VAV2: variants seen among roughly 807,000 people sequenced by gnomAD.
VAV2 encodes the protein guanine nucleotide exchange factor VAV2.
A neutral mutation model predicts 132.5 loss-of-function variants in VAV2; 67 were observed. The ratio of observed to expected loss-of-function variants is 0.51; its 90% CI spans 0.42 to 0.62. The LOEUF (loss-of-function observed/expected upper bound fraction) is 0.62, where lower values mean the gene tolerates loss of function less well. Among genes scored for constraint, VAV2 ranks in the 20% least tolerant of loss-of-function variants. The probability of loss-of-function intolerance (pLI) is 0.00; values close to 1 mark genes in which losing one functional copy is unlikely to be tolerated. For missense variants in VAV2, 938 were observed against 1,153.6 expected (o/e 0.81, Z 2.71); for synonymous variants, 492 against 443.5 (o/e 1.11, Z -1.37).
In VAV2 at chr9:133,991,285, CCTCTTA is replaced by C; in HGVS notation, c.204+784_204+789del. Among the ~76,000 whole-genome samples, 1 of 152,208 alleles carries C rather than the reference CCTCTTA, an allele frequency of 6.6e-6. No homozygotes were observed. Among genetic ancestry groups the C allele is most frequent in the South Asian group, 2.1e-4 (1 of 4,826 alleles). On this transcript the variant is annotated intron_variant, in intron 1 of 29. Transcript: ENST00000371850. The surrounding 1 kb of genome is among the most constrained non-coding windows in gnomAD (Gnocchi z 4.8). ...ATTCTCTCAAGTCTTAGCCAAGTTC[CCTCTTA>C]AGAGGCCAAGAAAAGCAGCTTCGTT...
intron 3 of VAV2, among the ~76,000 whole-genome samples, chr9:133,838,495 ATGGG>A (rs1265486745): frequency 3.6e-5 from 2 of 54,872 alleles, no homozygotes; most frequent in Non-Finnish European, 6.5e-5. Flanking sequence ...GGATGGATGG[ATGGG>A]TGGGTAAGTG....
At chr9:133,866,458 C>T (rs1378366424) in intron 2 of VAV2, among the ~76,000 whole-genome samples, 6 of 152,118 alleles carry the variant, frequency 3.9e-5, no homozygotes, top group Non-Finnish European at 7.3e-5. Context: ...GGAGTGAGGA[C>T]ACGCCTACTC....
At position 133,940,169 on chromosome 9, in the gene VAV2, A is replaced by G. The variant is rs151222891; in HGVS notation, c.205-950T>C. ...GTGGTTATGCCAGGCCTGGTTTTCT[A>G]CCGCCACCTGCCTCACGGGATTAAT... On this transcript the variant is annotated intron_variant, in intron 1 of 29. Coordinates refer to ENST00000371850, the MANE Select transcript of VAV2 (RefSeq NM_001134398.2). Among the ~76,000 whole-genome samples the G allele has an allele frequency of 7.7e-3, 1,174 of 152,118 alleles. 17 individuals are homozygous for G. Among genetic ancestry groups the G allele is most frequent in the African/African-American group, 0.027 (1,123 of 41,488 alleles).
chr9:133,776,154 T>C, intron 23 of VAV2, 74 bp from the exon 24 acceptor site: 1 of 1,573,862 alleles, frequency 6.4e-7, no homozygotes, highest in Non-Finnish European at 8.6e-7. Flanking sequence ...GGGGTCATTG[T>C]CAGTGACTGC....
chr9:133,875,833 G>A (rs1225660630), intron 2 of VAV2, among the ~76,000 whole-genome samples: 1 of 152,366 alleles, frequency 6.6e-6, no homozygotes, highest in East Asian at 1.9e-4. Context: ...CATTACCTCC[G>A]GAGTGGCTGG....
intron 2 of VAV2, among the ~76,000 whole-genome samples, chr9:133,913,600 G>A (rs940590414): frequency 2.0e-5 from 3 of 152,222 alleles, no homozygotes; most frequent in African/African-American, 7.2e-5. Flanking sequence ...GCGGGGGACC[G>A]GACGCGCACA....
chr9:133,976,691 T>C (rs1842524085), intron 1 of VAV2, among the ~76,000 whole-genome samples: 1 of 152,228 alleles, frequency 6.6e-6, no homozygotes, highest in Admixed American at 6.5e-5. Context: ...CTTTCTGTCC[T>C]GCGACGGAGC....
At chr9:133,925,249 C>T (rs1840433103) in intron 2 of VAV2, among the ~76,000 whole-genome samples, 1 of 152,182 alleles carries the variant, frequency 6.6e-6, no homozygotes, top group Non-Finnish European at 1.5e-5. Flanking sequence ...CAGGGTCTCG[C>T]TCTGTTGCCC....
rs1344062776 is a variant in VAV2 at position 133,840,431 on chromosome 9, CCT to C, written c.381-6093_381-6092del. On this transcript the variant is annotated intron_variant, in intron 3 of 29. Coordinates refer to ENST00000371850, the MANE Select transcript of VAV2 (RefSeq NM_001134398.2). This position sits in a 1 kb window ranked among gnomAD's most constrained non-coding sequence, Gnocchi z 4.5. ...TCAGCACCCACTCCCCACTCCTGCC[CCT>C]GAGCCACTGCTTGCTCAAGGAGCTC... Among the ~76,000 whole-genome samples, 1 of 152,178 alleles carries C rather than the reference CCT, an allele frequency of 6.6e-6. No individual in the cohort carries two copies. Among genetic ancestry groups the C allele is most frequent in the Non-Finnish European group, 1.5e-5 (1 of 68,034 alleles).
chr9:133,771,193 AG>A (rs1423377208), intron 26 of VAV2, among the ~76,000 whole-genome samples: 1 of 150,848 alleles, frequency 6.6e-6, no homozygotes, highest in African/African-American at 2.4e-5. Context: ...CCTCCCAAGT[AG>A]GGGGGACTAC....
chr9:133,964,022 CATATATAT>C (rs10541639), intron 1 of VAV2, among the ~76,000 whole-genome samples: 8 of 93,858 alleles, frequency 8.5e-5, no homozygotes, highest in Admixed American at 2.6e-4. Context: ...ATTATTCATT[CATATATAT>C]ATATATATAT....
intron 3 of VAV2, among the ~76,000 whole-genome samples, chr9:133,842,272 G>C (rs1836754076): frequency 6.6e-6 from 1 of 152,200 alleles, no homozygotes; most frequent in Non-Finnish European, 1.5e-5. Flanking sequence ...TCACAGAAGA[G>C]AAGGCCCCGC....
At chr9:133,803,104 G>A (rs1835000059) in intron 9 of VAV2, among the ~76,000 whole-genome samples, 1 of 152,050 alleles carries the variant, frequency 6.6e-6, no homozygotes, top group Non-Finnish European at 1.5e-5. Context: ...ACCATCCACA[G>A]GGCAGCCTCA....
rs116298587 is a variant in VAV2 at position 133,930,305 on chromosome 9, C to T, written c.321+8798G>A. On this transcript the variant is annotated intron_variant, in intron 2 of 29. Transcript: ENST00000371850. ...TCCACCCTGCCTCCTGGCCTCCTCA[C>T]TCCCTCCTGGCATCCACACTGCCTC... 9.1e-3 allele frequency among the ~76,000 whole-genome samples: 1,369 copies of T among 151,226 alleles called. 13 individuals carry two copies. Among genetic ancestry groups the T allele is most frequent in the African/African-American group, 0.032 (1,310 of 41,216 alleles).
At chr9:133,839,556 T>C (rs1037505788) in intron 3 of VAV2, among the ~76,000 whole-genome samples, 1 of 151,866 alleles carries the variant, frequency 6.6e-6, no homozygotes, top group African/African-American at 2.4e-5. Flanking sequence ...GTTCAAGTGA[T>C]TCCCCTGTCT....
intron 19 of VAV2, among the ~76,000 whole-genome samples, chr9:133,781,673 C>G (rs1351445151): frequency 4.6e-5 from 7 of 152,216 alleles, no homozygotes; most frequent in Non-Finnish European, 7.3e-5. Flanking sequence ...TTTCCAGAGC[C>G]AAACCCCAGA....
At chr9:133,808,622 G>A (rs559081546) in intron 7 of VAV2, among the ~76,000 whole-genome samples, 2 of 152,316 alleles carry the variant, frequency 1.3e-5, no homozygotes, top group South Asian at 4.1e-4. Flanking sequence ...CATGCCTTGT[G>A]CAGGACACTC....
chr9:133,795,301 G>C (rs7038187), intron 12 of VAV2, among the ~76,000 whole-genome samples: 83,618 of 151,940 alleles, frequency 0.55, 23,429 homozygotes, highest in African/African-American at 0.64. Flanking sequence ...GATGGCACCG[G>C]AGGTGGCATT....
rs768225551 is a variant in VAV2, at chr9:133,768,614, C to A, written c.2435-18G>T. 2 of 1,609,624 alleles carry A rather than the reference C, an allele frequency of 1.2e-6. No individual in the cohort carries two copies. Among genetic ancestry groups the A allele is most frequent in the Non-Finnish European group, 1.7e-6 (2 of 1,178,032 alleles). On this transcript the variant is annotated intron_variant, in intron 28 of 29. Transcript: ENST00000371850. The surrounding 1 kb of genome is among the most constrained non-coding windows in gnomAD (Gnocchi z 5.3). ...CGTGAACACTGTTGAGGGAGATGGG[C>A]AGCATCACACAGCTGCAGGAGGAGC...
Sources: allele counts gnomAD v4.1 joint callset (sites outside exome capture counted in the v4.1 genomes callset), GRCh38; gene constraint gnomAD v4.1.1; non-coding constraint Gnocchi (gnomAD v3.1); transcripts MANE v1.5; gene names NCBI Gene and HGNC (gene_info 2026-07-23, HGNC 2026-07-21).